ZNF7: variants seen among roughly 807,000 people sequenced by gnomAD.
The protein encoded by ZNF7 is C2-H2 type zinc finger protein.
In ZNF7, 10 loss-of-function variants were observed where a neutral mutation model predicts 12.0. The ratio of observed to expected loss-of-function variants is 0.83; its 90% CI spans 0.51 to 1.42. ZNF7 has a LOEUF of 1.42. ZNF7 is among the 40% of genes most tolerant of loss of function. ZNF7 has a pLI of 0.00. For synonymous variants in ZNF7, 334 were observed against 295.0 expected (o/e 1.13, Z -1.35); for missense variants, 854 against 837.2 (o/e 1.02, Z -0.25).
In ZNF7 at chr8:144,841,991, A is replaced by G; in HGVS notation, c.884A>G (p.Gln295Arg). 6.2e-7 allele frequency: 1 copy of G among 1,614,198 alleles called. No individual in the cohort carries two copies. The highest frequency in any genetic ancestry group is 8.5e-7 in the Non-Finnish European group (1 of 1,180,028). The change falls in exon 5 of 5, where the codon CAG becomes CGG. Residue 295 changes from glutamine to arginine, a missense_variant. By Grantham distance (43) the Gln-to-Arg change is conservative. Coordinates refer to ENST00000532777, the MANE Select transcript of ZNF7 (RefSeq NM_003416.4). ...TTCCGCCTGAGCTCAAAACTTATTC[A>G]GCATCAAAGAATCCACACTGGGGAG... ...KAFRLSSKLI[Q>R]HQRIHTGEKP...
chr8:144,832,499 C>T (rs1456293530), intron 3 of ZNF7, among the ~76,000 whole-genome samples: 2 of 151,512 alleles, frequency 1.3e-5, no homozygotes, highest in Admixed American at 6.6e-5. Flanking sequence ...GAGGCCGAGG[C>T]GGGCAGATCA....
At chr8:144,838,774 C>T (rs962478351) in intron 4 of ZNF7, 7 of 151,132 alleles carry the variant, frequency 4.6e-5, no homozygotes, top group African/African-American at 1.7e-4. Flanking sequence ...AACCCTGTGT[C>T]TACTAAAAAT....
rs1418111031 is a variant in ZNF7 at position 144,833,342 on chromosome 8, G to GT, written c.130+3747dup. On this transcript the variant is annotated intron_variant, in intron 3 of 4. Transcript: ENST00000532777. ...AGCTTCCTGCTTTTGGTTTGTTTTG[G>GT]TTTTTTTTTGTTTGTTTGTTCATTT... 1.3e-4 allele frequency among the ~76,000 whole-genome samples: 19 copies of GT among 140,810 alleles called. No individual in the cohort carries two copies. In the East Asian group the frequency reaches 1.4e-3, roughly 10 times the overall value. 92.4% of individuals were successfully genotyped at this position (140,810 alleles called of 152,430 possible). A position where few individuals can be genotyped will look rare whatever the true frequency, so the allele number is the denominator to read the frequency against.
chr8:144,843,469 TC>T lies in ZNF7; in HGVS notation c.*304del, dbSNP rs1830261024. 4.9e-6 allele frequency: 1 copy of T among 205,228 alleles called. No homozygotes were observed. Among genetic ancestry groups the T allele is most frequent in the Admixed American group, 5.6e-5 (1 of 17,880 alleles). The allele number at this position is 205,228 out of a possible 1,614,324, so 12.7% of individuals were successfully genotyped here. A position where few individuals can be genotyped will look rare whatever the true frequency, so the allele number is the denominator to read the frequency against. On this transcript the variant is annotated 3_prime_UTR_variant, in exon 5 of 5. Transcript: ENST00000532777. ...TGGGCGTGGTGGCAGGCACCTGTGG[TC>T]CCAGCTGCTCGGGAGGCTGAGGCAG...
At chr8:144,831,524 C>G (rs946031417) in intron 3 of ZNF7, among the ~76,000 whole-genome samples, 1 of 152,188 alleles carries the variant, frequency 6.6e-6, no homozygotes, top group African/African-American at 2.4e-5. Context: ...TGGCTCATAT[C>G]TGTAATCCCA....
In ZNF7 at chr8:144,843,064, C is replaced by G. The variant is rs750649043; in HGVS notation, c.1957C>G (p.Gln653Glu). The change falls in exon 5 of 5, where the codon CAG (glutamine) becomes GAG (glutamate). Residue 653 changes from glutamine (Q) to glutamate (E), a missense_variant. Coordinates refer to ENST00000532777, the MANE Select transcript of ZNF7 (RefSeq NM_003416.4). ...FRWRSHLIIHQRIHTGEKPYK... is the reference protein window; with the variant it reads ...FRWRSHLIIHERIHTGEKPYK... Reference sequence around the variant, plus strand: ...GTGGCGTTCACACCTAATTATACACCAGAGAATTCACACCGGGGAGAAGCC... The same window carrying G: ...GTGGCGTTCACACCTAATTATACACGAGAGAATTCACACCGGGGAGAAGCC... 30 of 1,614,040 alleles carry G rather than the reference C, an allele frequency of 1.9e-5. No individual in the cohort carries two copies. Among genetic ancestry groups the G allele is most frequent in the Non-Finnish European group, 2.5e-5 (29 of 1,180,000 alleles).
chr8:144,827,867 C>CCCCGGA, intron 1 of ZNF7: 1 of 196,276 alleles, frequency 5.1e-6, no homozygotes, highest in Non-Finnish European at 9.2e-6. Context: ...CTCGTGGCGG[C>CCCCGGA]CACGGTGTCC....
intron 4 of ZNF7, among the ~76,000 whole-genome samples, chr8:144,839,911 C>G (rs1433262528): frequency 2.6e-5 from 4 of 152,204 alleles, no homozygotes; most frequent in African/African-American, 9.6e-5. Context: ...TTGCTGTCAG[C>G]TTGGCCCTGC....
Position 144,841,914 on chromosome 8 carries a change from G to C in ZNF7, c.807G>C (p.Gln269His), listed in dbSNP as rs137961648. Reference protein sequence around the residue: ...FRLCSQLNQHQRIHTGEKPFK... With the variant: ...FRLCSQLNQHHRIHTGEKPFK... ...TCTGCTCGCAGCTTAATCAGCATCA[G>C]AGAATCCACACGGGAGAGAAACCCT... Residue 269 changes from glutamine to histidine, a missense_variant, in exon 5 of 5, where the codon CAG becomes CAC. Physicochemically the swap from Gln to His is conservative, Grantham distance 24. Coordinates refer to ENST00000532777, the MANE Select transcript of ZNF7 (RefSeq NM_003416.4). 9.9e-6 allele frequency: 16 copies of C among 1,614,034 alleles called. No individual in the cohort carries two copies. The highest frequency in any genetic ancestry group is 2.2e-5 in the East Asian group (1 of 44,888).
At chr8:144,845,221 G>T (rs755340045), downstream of ZNF7, among the ~76,000 whole-genome samples, 8 of 152,154 alleles carry the variant, frequency 5.3e-5, no homozygotes, top group Non-Finnish European at 1.2e-4. Context: ...CCTAGGAGGG[G>T]ACGGCAGGCA....
intron 4 of ZNF7, among the ~76,000 whole-genome samples, chr8:144,840,789 A>T (rs1030246069): frequency 1.3e-5 from 2 of 152,102 alleles, no homozygotes; most frequent in Non-Finnish European, 2.9e-5. Flanking sequence ...AGCAGCCAGG[A>T]GGCAGCTGAG....
intron 3 of ZNF7, among the ~76,000 whole-genome samples, chr8:144,832,557 G>A (rs769681194): frequency 5.3e-5 from 8 of 151,820 alleles, no homozygotes; most frequent in Admixed American, 1.3e-4. Flanking sequence ...GTGACACCCC[G>A]CCTCTACTAA....
chr8:144,831,826 G>A lies in ZNF7; in HGVS notation c.130+2222G>A, dbSNP rs546111122. Among the ~76,000 whole-genome samples, 2 of 98,578 alleles carry A rather than the reference G, an allele frequency of 2.0e-5. 1 individual carries two copies. The highest frequency in any genetic ancestry group is 6.5e-4 in the South Asian group (2 of 3,098). 64.7% of individuals were successfully genotyped at this position (98,578 alleles called of 152,430 possible). A position where few individuals can be genotyped will look rare whatever the true frequency, so the allele number is the denominator to read the frequency against. The stretch of plus-strand genomic sequence containing the variant: ...ACTATCTTAGAATTTATAAAATATG[G>A]TAAGTACCAGGTTAGTTTTGTTTAT... On this transcript the variant is annotated intron_variant, in intron 3 of 4. Coordinates refer to ENST00000532777, the MANE Select transcript of ZNF7 (RefSeq NM_003416.4).
At chr8:144,829,301 G>T in intron 2 of ZNF7, 177 bp from the exon 3 acceptor site, 1 of 1,536,840 alleles carries the variant, frequency 6.5e-7, no homozygotes, top group South Asian at 1.2e-5. Flanking sequence ...GACCACCATG[G>T]ACTGGGTTCC....
chr8:144,843,200 AT>A lies in ZNF7; in HGVS notation c.*33del. 6.5e-7 allele frequency: 1 copy of A among 1,527,848 alleles called. No homozygotes were observed. The highest frequency in any genetic ancestry group is 1.3e-5 in the South Asian group (1 of 75,410). 94.6% of individuals were successfully genotyped at this position (1,527,848 alleles called of 1,614,324 possible). A position where few individuals can be genotyped will look rare whatever the true frequency, so the allele number is the denominator to read the frequency against. On this transcript the variant is annotated 3_prime_UTR_variant, in exon 5 of 5. Coordinates refer to ENST00000532777, the MANE Select transcript of ZNF7 (RefSeq NM_003416.4). Reference sequence around the variant, plus strand: ...TACATATAAATGTGTATATATGTGAATAAACCTATAGCCTTAACTTACTTAT... The same window carrying A: ...TACATATAAATGTGTATATATGTGAAAAACCTATAGCCTTAACTTACTTAT...
chr8:144,833,152 C>G (rs866072757), intron 3 of ZNF7, among the ~76,000 whole-genome samples: 36 of 143,770 alleles, frequency 2.5e-4, no homozygotes, highest in African/African-American at 8.9e-4. Context: ...GAGCTGAGAT[C>G]GTGCCACTGC....
At chr8:144,846,497 C>G (rs946466128), downstream of ZNF7, 5 of 253,116 alleles carry the variant, frequency 2.0e-5, no homozygotes, top group Admixed American at 1.9e-4. Context: ...GTGTTTACCA[C>G]ACCAGCCAAG....
rs145249149 is a variant in ZNF7, at chr8:144,843,078, C to G, written c.1971C>G (p.Thr657=). 6.2e-7 allele frequency: 1 copy of G among 1,613,340 alleles called. No homozygotes were observed. The highest frequency in any genetic ancestry group is 8.5e-7 in the Non-Finnish European group (1 of 1,179,792). Residue 657 remains threonine (T), a synonymous_variant, in exon 5 of 5, where the codon ACC becomes ACG. Coordinates refer to ENST00000532777, the MANE Select transcript of ZNF7 (RefSeq NM_003416.4). ...SHLIIHQRIH[T]GEKPYKCNDC... ...TAATTATACACCAGAGAATTCACAC[C>G]GGGGAGAAGCCTTATAAATGCAATG...
downstream of ZNF7, among the ~76,000 whole-genome samples, chr8:144,844,662 T>A (rs1261136537): frequency 7.5e-6 from 1 of 133,466 alleles, no homozygotes; most frequent in Non-Finnish European, 1.5e-5. Context: ...TGAGCCAAGA[T>A]CACGCCACTG....
Sources: gnomAD v4.1 joint callset for allele counts (sites outside exome capture counted in the v4.1 genomes callset) on GRCh38, gnomAD v4.1.1 for gene constraint, MANE v1.5 for transcripts, NCBI Gene and HGNC (gene_info 2026-07-23, HGNC 2026-07-21) for gene names.